SHQ1: variants seen among roughly 807,000 people sequenced by gnomAD.
SHQ1 encodes SHQ1, H/ACA ribonucleoprotein assembly factor, also known as protein SHQ1 homolog.
In SHQ1, 49 loss-of-function variants were observed where a neutral mutation model predicts 53.8. That is an observed-to-expected ratio of 0.91 (90% CI 0.72 to 1.16). The LOEUF (loss-of-function observed/expected upper bound fraction) is 1.16, where lower values mean the gene tolerates loss of function less well. Among genes scored for constraint, SHQ1 ranks in the 50% most tolerant of loss-of-function variants. The probability of loss-of-function intolerance (pLI) is 0.00; values close to 1 mark genes in which losing one functional copy is unlikely to be tolerated. For missense variants in SHQ1, 738 were observed against 683.1 expected, an observed-to-expected ratio of 1.08 and a Z score of -0.90; for synonymous variants, 243 against 251.0, an observed-to-expected ratio of 0.97 and a Z score of 0.30.
intron 10 of SHQ1, among the ~76,000 whole-genome samples, chr3:72,762,008 GGCTCTA>G (rs1359286680): frequency 1.2e-4 from 19 of 152,262 alleles, no homozygotes; most frequent in African/African-American, 4.6e-4. Context: ...CAAGGAGACA[GGCTCTA>G]GCTCCAGCAG....
intron 5 of SHQ1, among the ~76,000 whole-genome samples, chr3:72,827,615 G>A (rs1414896572): frequency 6.6e-6 from 1 of 152,088 alleles, no homozygotes; most frequent in Non-Finnish European, 1.5e-5. Context: ...AATCTGAACT[G>A]TGGTCTATGC....
rs376700344 is a variant in SHQ1 at position 72,750,656 on chromosome 3, T to G, written c.1362A>C (p.Ala454=). 6.2e-7 allele frequency: 1 copy of G among 1,613,344 alleles called. No homozygotes were observed. ...TGCTGTCTGAGTCCTCCGAATCACTTGCCTCAGAGCTGGAGCAAAGTGTCT... is the reference window on the plus strand; with the variant it reads ...TGCTGTCTGAGTCCTCCGAATCACTGGCCTCAGAGCTGGAGCAAAGTGTCT... ...GQQTLCSSSE[A]SDSEDSDSSV... Residue 454 remains alanine (A), a synonymous_variant, in exon 11 of 11, where the codon GCA becomes GCC. Coordinates refer to ENST00000325599, the MANE Select transcript of SHQ1 (RefSeq NM_018130.3).
chr3:72,778,623 ATAAC>A (rs1706008218), intron 10 of SHQ1, among the ~76,000 whole-genome samples: 1 of 152,200 alleles, frequency 6.6e-6, no homozygotes, highest in African/African-American at 2.4e-5. Flanking sequence ...TTTTAAGAAA[ATAAC>A]TAAACTCTAC....
At chr3:72,729,018 C>G in the SHQ1 span, among the ~76,000 whole-genome samples, 2 of 152,200 alleles carry the variant, frequency 1.3e-5, no homozygotes, top group African/African-American at 4.8e-5. Context: ...ACCTCACGTC[C>G]CATCTGTTCT....
intron 10 of SHQ1, among the ~76,000 whole-genome samples, chr3:72,788,209 C>T (rs1197920876): frequency 1.3e-5 from 2 of 151,734 alleles, no homozygotes; most frequent in African/African-American, 2.4e-5. Flanking sequence ...TCTGCCCGGC[C>T]GCCCAGTCTG....
chr3:72,847,240 G>C (rs1708364464), intron 1 of SHQ1, among the ~76,000 whole-genome samples: 2 of 152,186 alleles, frequency 1.3e-5, no homozygotes, highest in African/African-American at 4.8e-5. Flanking sequence ...GAGCAAAACT[G>C]GTTCAGCAAC....
intron 5 of SHQ1, among the ~76,000 whole-genome samples, chr3:72,829,370 G>A (rs890656855): frequency 6.6e-6 from 1 of 152,166 alleles, no homozygotes; most frequent in African/African-American, 2.4e-5. Context: ...TAAAAATAGT[G>A]TCTACTTCCT....
chr3:72,794,146 C>G (rs1338579704), intron 9 of SHQ1: 1 of 152,122 alleles, frequency 6.6e-6, no homozygotes, highest in Non-Finnish European at 1.5e-5. Flanking sequence ...CTTTACAGTT[C>G]TGAAACGCGG....
the SHQ1 span, among the ~76,000 whole-genome samples, chr3:72,732,346 A>ATGCCTGCCTGCCTGCC: frequency 8.4e-6 from 1 of 118,856 alleles, no homozygotes. Flanking sequence ...AGCCAGTAAA[A>ATGCCTGCCTGCCTGCC]TGCCTGCCTG....
At chr3:72,792,846 C>T (rs1706483451) in intron 10 of SHQ1, 70 bp downstream of exon 10, 8 of 1,161,300 alleles carry the variant, frequency 6.9e-6, no homozygotes, top group Non-Finnish European at 8.5e-6. Context: ...CGTTTTCTTC[C>T]TCCTGGGTAA....
At chr3:72,733,902 T>C in the SHQ1 span, among the ~76,000 whole-genome samples, 1 of 151,626 alleles carries the variant, frequency 6.6e-6, no homozygotes, top group Non-Finnish European at 1.5e-5. Context: ...AGTACCCATC[T>C]TCCTGGGTTG....
At chr3:72,748,800 T>C (rs1705306600), downstream of SHQ1, among the ~76,000 whole-genome samples, 1 of 151,928 alleles carries the variant, frequency 6.6e-6, no homozygotes, top group South Asian at 2.1e-4. Context: ...AAACCCCATC[T>C]CTATAAAAAC....
chr3:72,789,494 G>A (rs1706369578), intron 10 of SHQ1, among the ~76,000 whole-genome samples: 1 of 152,188 alleles, frequency 6.6e-6, no homozygotes, highest in South Asian at 2.1e-4. Context: ...AACTATCACT[G>A]CTACTGATGG....
At position 72,750,385 on chromosome 3, in the gene SHQ1, G is replaced by C. The variant is rs1190353508; in HGVS notation, c.1633C>G (p.Gln545Glu). The C allele has an allele frequency of 1.2e-6, 2 of 1,614,140 alleles. No homozygotes were observed. Among genetic ancestry groups the C allele is most frequent in the African/African-American group, 2.7e-5 (2 of 75,026 alleles). Residue 545 changes from glutamine (Q) to glutamate (E), a missense_variant, in exon 11 of 11, where the codon CAA (glutamine) becomes GAA (glutamate). Gln to Glu is a conservative substitution (Grantham distance 29). Coordinates refer to ENST00000325599, the MANE Select transcript of SHQ1 (RefSeq NM_018130.3). The part of the protein sequence containing the change: ...SGPLIEELGE[Q>E]LKTTVQVSEP... ...GAAACCTGAACTGTAGTCTTCAGTT[G>C]TTCCCCAAGCTCCTCTATCAGAGGC...
intron 10 of SHQ1, among the ~76,000 whole-genome samples, chr3:72,787,532 T>C (rs954796969): frequency 6.6e-6 from 1 of 152,234 alleles, no homozygotes; most frequent in Non-Finnish European, 1.5e-5. Context: ...TCAGTGAGCA[T>C]ATATGTACTC....
At chr3:72,787,925 G>A (rs149819356) in intron 10 of SHQ1, among the ~76,000 whole-genome samples, 14 of 152,318 alleles carry the variant, frequency 9.2e-5, no homozygotes, top group Admixed American at 5.2e-4. Flanking sequence ...CGTGCTGGCC[G>A]GGCTGGTCTC....
intron 9 of SHQ1, among the ~76,000 whole-genome samples, chr3:72,796,971 T>C (rs535690891): frequency 1.1e-3 from 158 of 138,520 alleles, no homozygotes; most frequent in Non-Finnish European, 1.9e-3. Flanking sequence ...ATTTAAAAAA[T>C]GCTGGGCCAG....
downstream of SHQ1, among the ~76,000 whole-genome samples, chr3:72,746,340 G>A (rs965799494): frequency 2.2e-4 from 33 of 152,088 alleles, no homozygotes; most frequent in African/African-American, 7.7e-4. Flanking sequence ...TCATCTAGGA[G>A]TTTTGGGAAA....
chr3:72,755,135 A>G lies in SHQ1; in HGVS notation c.1182-4299T>C, dbSNP rs138530077. On this transcript the variant is annotated intron_variant, in intron 10 of 10. Transcript: ENST00000325599. ...TGAAGCTGAGTCCAGGGGCCCAAAC[A>G]GGAACTCCTGCCTGTAACCAGCTGA... Among the ~76,000 whole-genome samples the G allele has an allele frequency of 3.1e-3, 478 of 152,302 alleles. 3 individuals are homozygous for G. The highest frequency in any genetic ancestry group is 0.01 in the African/African-American group (423 of 41,562).
Sources: gnomAD v4.1 joint callset for allele counts (sites outside exome capture counted in the v4.1 genomes callset) on GRCh38, gnomAD v4.1.1 for gene constraint, MANE v1.5 for transcripts, NCBI Gene and HGNC (gene_info 2026-07-23, HGNC 2026-07-21) for gene names.